ADCY8: variants seen among roughly 807,000 people sequenced by gnomAD.
ADCY8 encodes the protein adenylate cyclase 8.
Under a neutral mutation model 119.7 loss-of-function variants are expected in ADCY8, and 51 were observed. That is an observed-to-expected ratio of 0.43 (90% confidence interval 0.34 to 0.54). ADCY8 has a LOEUF of 0.54. Ranked by LOEUF, ADCY8 falls within the 20% of genes least tolerant of loss-of-function variation. ADCY8 has a pLI of 0.03. For missense variants in ADCY8, 1,383 were observed against 1,598.8 expected, an observed-to-expected ratio of 0.87 and a Z score of 2.30; for synonymous variants, 665 against 651.0, an observed-to-expected ratio of 1.02 and a Z score of -0.33.
Position 131,039,593 on chromosome 8 carries a change from C to A in ADCY8, c.741G>T (p.Val247=). The A allele has an allele frequency of 6.2e-7, 1 of 1,613,962 alleles. No individual in the cohort carries two copies. The highest frequency in any genetic ancestry group is 2.2e-5 in the East Asian group (1 of 44,854). The part of the protein sequence containing the change: ...TSHTYLQYSG[V]VTWVAMTTQI... ...GGGTGGTCATGGCCACCCAGGTGAC[C>A]ACGCCGCTGTACTGCAGGTACGTGT... Residue 247 remains valine, a synonymous_variant, in exon 1 of 18, where the codon GTG becomes GTT. Transcript: ENST00000286355.
rs564497019 is a variant in ADCY8 at position 130,780,759 on chromosome 8, C to T, written c.3387G>A (p.Arg1129=). 1.2e-4 allele frequency: 190 copies of T among 1,614,214 alleles called. 4 individuals carry two copies. The South Asian group carries it at 2.0e-3, about 17-fold the overall frequency. ...SRMDSTGVSG[R]IQVPEETYLI... Reference sequence around the variant, plus strand: ...GATAGGTCTCCTCTGGGACTTGGATCCGGCCACTAACCCCCGTGCTGTCCA... The same window carrying T: ...GATAGGTCTCCTCTGGGACTTGGATTCGGCCACTAACCCCCGTGCTGTCCA... The change falls in exon 18 of 18, where the codon CGG becomes CGA. Residue 1129 remains arginine (R), a synonymous_variant. Transcript: ENST00000286355.
chr8:130,939,757 A>AACAATG (rs1718944257), intron 4 of ADCY8, among the ~76,000 whole-genome samples: 1 of 152,204 alleles, frequency 6.6e-6, no homozygotes, highest in African/African-American at 2.4e-5. Context: ...GCCATTACTT[A>AACAATG]ACAATGACAA....
At chr8:130,820,944 C>T (rs1249386380) in intron 13 of ADCY8, among the ~76,000 whole-genome samples, 1 of 152,190 alleles carries the variant, frequency 6.6e-6, no homozygotes, top group Non-Finnish European at 1.5e-5. Context: ...TGCCCAAAAT[C>T]ATACACTGCT....
intron 1 of ADCY8, among the ~76,000 whole-genome samples, chr8:131,009,111 T>C (rs71522602): frequency 0.024 from 3,711 of 152,244 alleles, 47 homozygotes; most frequent in East Asian, 0.057. Flanking sequence ...CTGGAGAAAT[T>C]TGCATAAGTA....
chr8:130,992,415 A>AGCAAC (rs1822618755), intron 1 of ADCY8, among the ~76,000 whole-genome samples: 1 of 125,082 alleles, frequency 8.0e-6, no homozygotes. Flanking sequence ...ATATATATAT[A>AGCAAC]TATATATATA....
chr8:130,824,068 C>T (rs1357382155), intron 12 of ADCY8, among the ~76,000 whole-genome samples: 2 of 152,126 alleles, frequency 1.3e-5, no homozygotes, highest in Non-Finnish European at 2.9e-5. Context: ...CCCAAGGTCA[C>T]ATAGCTCATT....
chr8:130,979,638 G>A (rs1246085381), intron 2 of ADCY8, among the ~76,000 whole-genome samples: 4 of 152,300 alleles, frequency 2.6e-5, no homozygotes, highest in Admixed American at 6.5e-5. Flanking sequence ...GTTTAGGTCT[G>A]AGTACCAGGT....
intron 12 of ADCY8, among the ~76,000 whole-genome samples, chr8:130,834,515 C>T (rs1479812464): frequency 2.0e-5 from 3 of 152,182 alleles, no homozygotes; most frequent in African/African-American, 7.2e-5. Context: ...AGATACCCTA[C>T]AATCCAACAA....
At chr8:131,027,614 C>T (rs563009773) in intron 1 of ADCY8, among the ~76,000 whole-genome samples, 65 of 152,214 alleles carry the variant, frequency 4.3e-4, no homozygotes, top group South Asian at 8.3e-4. Flanking sequence ...AGATATCAGA[C>T]GGGATGGAGT....
At chr8:130,983,393 A>G (rs550860803) in intron 2 of ADCY8, among the ~76,000 whole-genome samples, 20 of 152,310 alleles carry the variant, frequency 1.3e-4, no homozygotes, top group African/African-American at 4.6e-4. Flanking sequence ...GCCGAACCCA[A>G]CAAGAAGCCA....
Position 130,914,701 on chromosome 8 carries a change from C to T in ADCY8, c.1482-4835G>A, listed in dbSNP as rs145372561. On this transcript the variant is annotated intron_variant, in intron 5 of 17. Coordinates refer to ENST00000286355, the MANE Select transcript of ADCY8 (RefSeq NM_001115.3). ...ATGGAGACAATTCTACTCCTAGCGA[C>T]AAGTCTTGTTCAGTTCTTCCAGAGC... Among the ~76,000 whole-genome samples the T allele has an allele frequency of 2.6e-5, 4 of 152,312 alleles. No individual in the cohort carries two copies. The East Asian group carries it at 7.7e-4, about 29-fold the overall frequency.
At chr8:130,830,372 A>G (rs1240115739) in intron 12 of ADCY8, among the ~76,000 whole-genome samples, 1 of 152,118 alleles carries the variant, frequency 6.6e-6, no homozygotes, top group Non-Finnish European at 1.5e-5. Flanking sequence ...ATTAGGGTGG[A>G]GGGGTCAGCT....
At chr8:130,911,454 T>C (rs532659381) in intron 5 of ADCY8, among the ~76,000 whole-genome samples, 5 of 152,254 alleles carry the variant, frequency 3.3e-5, no homozygotes, top group South Asian at 2.1e-4. Flanking sequence ...AAGCCTGGTA[T>C]AGAGATAAAT....
At chr8:130,989,863 C>A (rs1438564570) in intron 2 of ADCY8, among the ~76,000 whole-genome samples, 5 of 152,174 alleles carry the variant, frequency 3.3e-5, no homozygotes, top group Non-Finnish European at 7.3e-5. Flanking sequence ...TTGCCCCCTG[C>A]AATCCAACTT....
chr8:130,808,426 A>G (rs1002868556), intron 14 of ADCY8, among the ~76,000 whole-genome samples: 1 of 152,234 alleles, frequency 6.6e-6, no homozygotes, highest in Admixed American at 6.5e-5. Context: ...AAAATATGTC[A>G]AGCACCATGT....
At chr8:130,817,884 G>T (rs954899841) in intron 13 of ADCY8, among the ~76,000 whole-genome samples, 1 of 152,106 alleles carries the variant, frequency 6.6e-6, no homozygotes, top group Non-Finnish European at 1.5e-5. Flanking sequence ...GAACTGATAG[G>T]ATTAGCATAT....
At chr8:130,972,629 C>A (rs2130707657) in intron 2 of ADCY8, among the ~76,000 whole-genome samples, 1 of 152,250 alleles carries the variant, frequency 6.6e-6, no homozygotes, top group African/African-American at 2.4e-5. Flanking sequence ...CTTTGATATT[C>A]TCTTAGGGCC....
intron 2 of ADCY8, among the ~76,000 whole-genome samples, chr8:130,956,419 T>C (rs149692973): frequency 6.6e-6 from 1 of 152,340 alleles, no homozygotes; most frequent in African/African-American, 2.4e-5. Flanking sequence ...TCATTTCCTG[T>C]GGTTTGCACA....
intron 8 of ADCY8, among the ~76,000 whole-genome samples, chr8:130,869,491 T>TG (rs1386749503): frequency 6.7e-6 from 1 of 149,526 alleles, no homozygotes; most frequent in Non-Finnish European, 1.5e-5. Flanking sequence ...GCTTACTGTT[T>TG]TTTTTTTATT....
Sources: gnomAD v4.1 joint callset for allele counts (sites outside exome capture counted in the v4.1 genomes callset) on GRCh38, gnomAD v4.1.1 for gene constraint, MANE v1.5 for transcripts, NCBI Gene and HGNC (gene_info 2026-07-23, HGNC 2026-07-21) for gene names.